Variants in MTX2 observed in about 807,000 individuals in gnomAD.
MTX2 encodes the protein metaxin 2, also known as metaxin-2.
A neutral mutation model predicts 42.3 loss-of-function variants in MTX2; 35 were observed. The observed-to-expected ratio is 0.83, with a 90% CI of 0.63 to 1.10. The LOEUF is 1.10. Ranked by LOEUF, MTX2 falls within the 50% of genes least tolerant of loss-of-function variation. The pLI is 0.00. For missense variants in MTX2, 307 were observed against 304.1 expected (o/e 1.01, Z -0.07); for synonymous variants, 119 against 100.9 (o/e 1.18, Z -1.08).
chr2:176,305,671 T>C (rs1275255241), intron 3 of MTX2, among the ~76,000 whole-genome samples: 1 of 152,156 alleles, frequency 6.6e-6, no homozygotes. Context: ...ATTGTCTCTT[T>C]TGTTGCTTTC....
At position 176,278,041 on chromosome 2, in the gene MTX2, G is replaced by GTTT. The variant is rs59379339; in HGVS notation, c.40+8397_40+8399dup. 3.3e-3 allele frequency among the ~76,000 whole-genome samples: 277 copies of GTTT among 84,844 alleles called. 37 individuals are homozygous for GTTT. The highest frequency in any genetic ancestry group is 0.013 in the African/African-American group (236 of 18,280). 55.7% of individuals were successfully genotyped at this position (84,844 alleles called of 152,430 possible). On this transcript the variant is annotated intron_variant, in intron 1 of 9. Coordinates refer to ENST00000249442, the MANE Select transcript of MTX2 (RefSeq NM_006554.5). ...TGTATTGCTGAATAGGTTGAAACTG[G>GTTT]TTTTTTTTTTTTTTTTTTTTTTTTT...
chr2:176,287,150 T>C (rs535490059), intron 1 of MTX2, among the ~76,000 whole-genome samples: 33 of 152,236 alleles, frequency 2.2e-4, no homozygotes, highest in Non-Finnish European at 3.8e-4. Flanking sequence ...ATAGGCCACA[T>C]GATACCTCTA....
chr2:176,294,879 T>C (rs1372593890), intron 1 of MTX2, among the ~76,000 whole-genome samples: 1 of 151,294 alleles, frequency 6.6e-6, no homozygotes, highest in Non-Finnish European at 1.5e-5. Flanking sequence ...ACCAACCTAA[T>C]ACTTAATTGT....
chr2:176,321,583 C>T (rs1198338016), intron 3 of MTX2, among the ~76,000 whole-genome samples: 1 of 152,104 alleles, frequency 6.6e-6, no homozygotes, highest in Non-Finnish European at 1.5e-5. Flanking sequence ...GTTGCTCTAC[C>T]ATTTCTAACA....
At chr2:176,315,412 T>C (rs1436494311) in intron 3 of MTX2, among the ~76,000 whole-genome samples, 2 of 152,190 alleles carry the variant, frequency 1.3e-5, no homozygotes, top group Admixed American at 1.3e-4. Flanking sequence ...CTTAAAAATA[T>C]AGCTAGAATC....
chr2:176,336,945 A>G (rs772701928), intron 9 of MTX2, among the ~76,000 whole-genome samples: 5 of 152,188 alleles, frequency 3.3e-5, no homozygotes, highest in Non-Finnish European at 5.9e-5. Context: ...AGTCTCTTAT[A>G]TAAAATGGCA....
chr2:176,306,720 T>G (rs1220076127), intron 3 of MTX2, among the ~76,000 whole-genome samples: 1 of 152,222 alleles, frequency 6.6e-6, no homozygotes, highest in African/African-American at 2.4e-5. Context: ...TTTTGAGAAG[T>G]GTCTGTTCAT....
intron 9 of MTX2, among the ~76,000 whole-genome samples, chr2:176,333,022 T>C (rs1684897408): frequency 6.6e-6 from 1 of 151,486 alleles, no homozygotes; most frequent in Non-Finnish European, 1.5e-5. Context: ...TTTACTGTTT[T>C]TGTTTTGATA....
chr2:176,272,071 A>G (rs372457977), intron 1 of MTX2, among the ~76,000 whole-genome samples: 3 of 152,224 alleles, frequency 2.0e-5, no homozygotes, highest in Non-Finnish European at 4.4e-5. Flanking sequence ...GCCTTAAAAA[A>G]GAAGGAAACC....
chr2:176,282,499 G>A (rs576749833), intron 1 of MTX2, among the ~76,000 whole-genome samples: 2 of 151,920 alleles, frequency 1.3e-5, no homozygotes, highest in African/African-American at 4.8e-5. Flanking sequence ...GCATGCTTTG[G>A]ATTATTTTTT....
At chr2:176,299,477 A>C (rs900560518) in intron 3 of MTX2, among the ~76,000 whole-genome samples, 1 of 152,126 alleles carries the variant, frequency 6.6e-6, no homozygotes, top group Non-Finnish European at 1.5e-5. Context: ...TTCTCAAATC[A>C]TAGTTGCAAT....
chr2:176,304,658 A>G (rs1247412810), intron 3 of MTX2, among the ~76,000 whole-genome samples: 1 of 152,022 alleles, frequency 6.6e-6, no homozygotes, highest in African/African-American at 2.4e-5. Context: ...AATTGTCACA[A>G]ATTTTCCTTT....
At chr2:176,285,461 T>TA (rs1693176899) in intron 1 of MTX2, among the ~76,000 whole-genome samples, 1 of 150,874 alleles carries the variant, frequency 6.6e-6, no homozygotes, top group African/African-American at 2.4e-5. Flanking sequence ...TCTCTGCAGT[T>TA]ACCACAGTCT....
At chr2:176,313,388 C>CTTTTTTTTTTTTTTTTTTTTTTTTTTTTT (rs1207416607) in intron 3 of MTX2, among the ~76,000 whole-genome samples, 1 of 103,510 alleles carries the variant, frequency 9.7e-6, no homozygotes, top group African/African-American at 3.9e-5. Context: ...TACACTGATT[C>CTTTTTTTTTTTTTTTTTTTTTTTTTTTTT]TTTTTTTTTT....
rs1429581244 is a variant in MTX2, at chr2:176,329,434, C to G, written c.543+8C>G. 1 of 1,600,480 alleles carries G rather than the reference C, an allele frequency of 6.2e-7. No individual in the cohort carries two copies. The highest frequency in any genetic ancestry group is 8.5e-7 in the Non-Finnish European group (1 of 1,172,170). On this transcript the variant is annotated splice_region_variant and intron_variant, in intron 8 of 9. Coordinates refer to ENST00000249442, the MANE Select transcript of MTX2 (RefSeq NM_006554.5). Reference sequence around the variant, plus strand: ...AAGAAGACTCTGGACCAGGTCAGTTCAGGTTGAAGTTGACAAAACCCTCAA... The same window carrying G: ...AAGAAGACTCTGGACCAGGTCAGTTGAGGTTGAAGTTGACAAAACCCTCAA...
intron 1 of MTX2, among the ~76,000 whole-genome samples, chr2:176,291,207 AT>A (rs1429782890): frequency 6.6e-6 from 1 of 152,162 alleles, no homozygotes; most frequent in African/African-American, 2.4e-5. Context: ...GCTATTTAGT[AT>A]TTTTTTGAGT....
intron 3 of MTX2, among the ~76,000 whole-genome samples, chr2:176,312,214 A>G (rs1342732640): frequency 6.6e-6 from 1 of 152,154 alleles, no homozygotes; most frequent in Non-Finnish European, 1.5e-5. Context: ...ACAAAATGCT[A>G]ATTTTTGCTA....
chr2:176,282,134 T>TGTTTTTTTTG (rs1163365846), intron 1 of MTX2, among the ~76,000 whole-genome samples: 3 of 134,348 alleles, frequency 2.2e-5, no homozygotes, highest in East Asian at 2.1e-4. Flanking sequence ...TAGTTTTTTT[T>TGTTTTTTTTG]TTTTTTTTTT....
chr2:176,279,715 T>A lies in MTX2; in HGVS notation c.40+10046T>A, dbSNP rs1426794249. Among the ~76,000 whole-genome samples the A allele has an allele frequency of 2.6e-5, 4 of 152,296 alleles. No individual in the cohort carries two copies. The East Asian group carries it at 7.7e-4, about 29-fold the overall frequency. ...AACTATTTAAGTGATAATTGACATT[T>A]GTTCTTACATTGAGATTGTGAATTA... On this transcript the variant is annotated intron_variant, in intron 1 of 9. Coordinates refer to ENST00000249442, the MANE Select transcript of MTX2 (RefSeq NM_006554.5).
Sources: allele counts gnomAD v4.1 joint callset (sites outside exome capture counted in the v4.1 genomes callset), GRCh38; gene constraint gnomAD v4.1.1; transcripts MANE v1.5; gene names NCBI Gene and HGNC (gene_info 2026-07-23, HGNC 2026-07-21).